The following NR3C1 variants were observed in gnomAD, a reference collection of about 807,000 sequenced individuals.
NR3C1 encodes the protein nuclear receptor subfamily 3 group C member 1.
NR3C1 carries 14 observed loss-of-function variants against 74.0 expected under a neutral mutation model. That is an observed-to-expected ratio of 0.19 (90% confidence interval 0.12 to 0.30). The LOEUF (loss-of-function observed/expected upper bound fraction) is 0.30, where lower values mean the gene tolerates loss of function less well. Among genes scored for constraint, NR3C1 ranks in the 10% least tolerant of loss-of-function variants. NR3C1 has a pLI of 1.00. For synonymous variants in NR3C1, 308 were observed against 332.5 expected, an observed-to-expected ratio of 0.93 and a Z score of 0.80; for missense variants, 695 against 909.8, an observed-to-expected ratio of 0.76 and a Z score of 3.04.
chr5:143,348,324 T>C (rs925615684), intron 2 of NR3C1, among the ~76,000 whole-genome samples: 5 of 152,212 alleles, frequency 3.3e-5, no homozygotes, highest in Non-Finnish European at 7.3e-5. Context: ...ACTGATTTAA[T>C]GATCAGACTA....
At position 143,293,784 on chromosome 5, in the gene NR3C1, A is replaced by T. The variant is rs1023676964; in HGVS notation, c.2023+1676T>A. ...CCTTATGATTCTATTATTTTTTAAC[A>T]AGAAGAACTCGTGATATTATTTACA... is the stretch of plus-strand genomic sequence containing the variant. On this transcript the variant is annotated intron_variant, in intron 7 of 8. Coordinates refer to ENST00000394464, the MANE Select transcript of NR3C1 (RefSeq NM_000176.3). 4 of 665,006 alleles carry T rather than the reference A, an allele frequency of 6.0e-6. No homozygotes were observed. The African/African-American group carries it at 7.8e-5, about 13-fold the overall frequency. 41.2% of individuals were successfully genotyped at this position (665,006 alleles called of 1,614,324 possible).
At chr5:143,284,126 C>T (rs1813753718) in intron 7 of NR3C1, among the ~76,000 whole-genome samples, 1 of 152,072 alleles carries the variant, frequency 6.6e-6, no homozygotes, top group East Asian at 1.9e-4. Context: ...GTTGCCTAGG[C>T]TGGAGTGCAT....
At chr5:143,431,847 A>C (rs1751843500) in intron 1 of NR3C1, among the ~76,000 whole-genome samples, 1 of 152,188 alleles carries the variant, frequency 6.6e-6, no homozygotes, top group African/African-American at 2.4e-5. Context: ...TAGTAACACT[A>C]TGGTTTAATC....
At chr5:143,404,020 G>A (rs1600650190), upstream of NR3C1, 1 of 985,420 alleles carries the variant, frequency 1.0e-6, no homozygotes, top group African/African-American at 1.7e-5. Flanking sequence ...GAGGGCCACC[G>A]AGTTTCTCCA....
intron 4 of NR3C1, among the ~76,000 whole-genome samples, chr5:143,308,743 C>T (rs1820204981): frequency 6.6e-6 from 1 of 152,176 alleles, no homozygotes. Context: ...GCCCTATGCC[C>T]TCTATGGTGT....
intron 7 of NR3C1, among the ~76,000 whole-genome samples, chr5:143,293,565 C>T (rs1421654994): frequency 6.6e-6 from 1 of 152,160 alleles, no homozygotes; most frequent in Non-Finnish European, 1.5e-5. Flanking sequence ...CCCCAACTTA[C>T]TAAACTTACT....
intron 1 of NR3C1, among the ~76,000 whole-genome samples, chr5:143,416,672 A>T (rs1416796595): frequency 3.3e-5 from 5 of 152,146 alleles, no homozygotes; most frequent in Non-Finnish European, 7.4e-5. Context: ...AAAGGTCTAA[A>T]ACATGGGGGT....
upstream of NR3C1, chr5:143,404,306 G>T: frequency 1.0e-6 from 1 of 985,436 alleles, no homozygotes; most frequent in Non-Finnish European, 1.2e-6. Context: ...CTCGGGGCCG[G>T]GCGGCCTGAC....
chr5:143,363,792 T>C (rs1320439023), intron 2 of NR3C1, among the ~76,000 whole-genome samples: 1 of 151,994 alleles, frequency 6.6e-6, no homozygotes, highest in Non-Finnish European at 1.5e-5. Flanking sequence ...CAGATGTCAC[T>C]TGGAGAAGAG....
upstream of NR3C1, chr5:143,403,893 C>T (rs1840831724): frequency 2.0e-6 from 2 of 981,840 alleles, no homozygotes; most frequent in East Asian, 1.1e-4. Context: ...CCCGCGTCCC[C>T]TGGCGTGGCC....
intron 2 of NR3C1, among the ~76,000 whole-genome samples, chr5:143,343,975 CAA>C (rs1321372788): frequency 6.6e-6 from 1 of 152,074 alleles, no homozygotes; most frequent in African/African-American, 2.4e-5. Flanking sequence ...TTAGTATTAA[CAA>C]AAGATATTTT....
At position 143,309,142 on chromosome 5, in the gene NR3C1, C is replaced by T. The variant is rs1179913187; in HGVS notation, c.1468+955G>A. 6.2e-5 allele frequency among the ~76,000 whole-genome samples: 9 copies of T among 145,298 alleles called. No homozygotes were observed. The Admixed American group carries it at 6.3e-4, about 10-fold the overall frequency. On this transcript the variant is annotated intron_variant, in intron 4 of 8. Coordinates refer to ENST00000394464, the MANE Select transcript of NR3C1 (RefSeq NM_000176.3). ...AAGCTGGAGTACAGTGGTGTGATCT[C>T]GGCTCACTGCAACCTCTGCCTCCCG...
At chr5:143,393,815 A>G (rs1838719363) in intron 2 of NR3C1, among the ~76,000 whole-genome samples, 1 of 152,096 alleles carries the variant, frequency 6.6e-6, no homozygotes, top group Admixed American at 6.5e-5. Context: ...TACTTTCATA[A>G]TAGCCACAGC....
intron 2 of NR3C1, among the ~76,000 whole-genome samples, chr5:143,357,546 C>A (rs867895708): frequency 6.6e-6 from 1 of 152,152 alleles, no homozygotes; most frequent in African/African-American, 2.4e-5. Context: ...GCAATTTAAA[C>A]CCACCTCATG....
chr5:143,339,761 G>A (rs1827845690), intron 2 of NR3C1, among the ~76,000 whole-genome samples: 1 of 152,144 alleles, frequency 6.6e-6, no homozygotes, highest in Non-Finnish European at 1.5e-5. Flanking sequence ...AGACACAGCT[G>A]AGAGTAGAAA....
intron 2 of NR3C1, among the ~76,000 whole-genome samples, chr5:143,376,692 A>C (rs576018586): frequency 1.2e-4 from 19 of 152,190 alleles, no homozygotes; most frequent in Non-Finnish European, 2.2e-4. Flanking sequence ...AGGGACTTTC[A>C]AAAACTCAGA....
rs928497549 is a variant in NR3C1 at position 143,347,128 on chromosome 5, T to G, written c.1185-32960A>C. Among the ~76,000 whole-genome samples, 8 of 152,366 alleles carry G rather than the reference T, an allele frequency of 5.3e-5. No homozygotes were observed. The South Asian group carries it at 1.4e-3, about 28-fold the overall frequency. On this transcript the variant is annotated intron_variant, in intron 2 of 8. Transcript: ENST00000394464. Reference sequence around the variant, plus strand: ...AAATGTATATTTGACATAGAAAATGTCAAATGTTCAAATATTCAGAATTCT... The same window carrying G: ...AAATGTATATTTGACATAGAAAATGGCAAATGTTCAAATATTCAGAATTCT...
intron 1 of NR3C1, among the ~76,000 whole-genome samples, chr5:143,409,544 T>A (rs566192195): frequency 4.6e-5 from 7 of 152,372 alleles, no homozygotes; most frequent in African/African-American, 1.7e-4. Context: ...TAAAAAATTA[T>A]TCCTGCAGCT....
chr5:143,346,001 G>T (rs1222985267), intron 2 of NR3C1, among the ~76,000 whole-genome samples: 1 of 152,116 alleles, frequency 6.6e-6, no homozygotes, highest in East Asian at 1.9e-4. Flanking sequence ...ACTGTATGTG[G>T]ATCCCAAATA....
Sources: gnomAD v4.1 joint callset for allele counts (sites outside exome capture counted in the v4.1 genomes callset) on GRCh38, gnomAD v4.1.1 for gene constraint, MANE v1.5 for transcripts, NCBI Gene and HGNC (gene_info 2026-07-23, HGNC 2026-07-21) for gene names.